Variants in LLGL2 observed in about 807,000 individuals in gnomAD.
The protein encoded by LLGL2 is LLGL scribble cell polarity complex component 2.
In LLGL2, 81 loss-of-function variants were observed where a neutral mutation model predicts 123.2. That is an observed-to-expected ratio of 0.66 (90% CI 0.55 to 0.79). LLGL2 has a LOEUF of 0.79. Among genes scored for constraint, LLGL2 ranks in the 30% least tolerant of loss-of-function variants. LLGL2 has a pLI of 0.00. For missense variants in LLGL2, 1,273 were observed against 1,414.6 expected (o/e 0.90, Z 1.61); for synonymous variants, 577 against 594.1 (o/e 0.97, Z 0.42).
Position 75,572,203 on chromosome 17 carries a change from G to A in LLGL2, c.2460+139G>A. On this transcript the variant is annotated intron_variant, in intron 19 of 25. Transcript: ENST00000392550. ...GGGGCTGCAGAAGTACAGGAAATAAGTGAGGGGGGAGTCTCGTGTGAGGAC... is the reference window on the plus strand; with the variant it reads ...GGGGCTGCAGAAGTACAGGAAATAAATGAGGGGGGAGTCTCGTGTGAGGAC... The A allele has an allele frequency of 5.8e-6, 5 of 867,126 alleles. No individual in the cohort carries two copies. The South Asian group carries it at 8.1e-5, about 14-fold the overall frequency. 53.7% of individuals were successfully genotyped at this position (867,126 alleles called of 1,614,324 possible).
intron 21 of LLGL2, 98 bp downstream of exon 21, chr17:75,573,729 C>A: frequency 7.4e-7 from 1 of 1,347,282 alleles, no homozygotes; most frequent in South Asian, 1.3e-5. Context: ...GGAGGCACCT[C>A]CCCACGAGCT....
At chr17:75,570,575 C>A in intron 16 of LLGL2, 77 bp downstream of exon 16, 1 of 1,482,656 alleles carries the variant, frequency 6.7e-7, no homozygotes, top group East Asian at 2.5e-5. Flanking sequence ...GGCCACACGG[C>A]CCCTGCTCCC....
At chr17:75,568,448 G>T in intron 10 of LLGL2, 28 bp from the exon 11 acceptor site, 1 of 1,603,154 alleles carries the variant, frequency 6.2e-7, no homozygotes, top group Non-Finnish European at 8.5e-7. Flanking sequence ...TCCTGGCCCC[G>T]GCCCCTGACC....
chr17:75,573,209 C>T lies in LLGL2; in HGVS notation c.2656C>T (p.Arg886Cys), dbSNP rs370466207. The T allele has an allele frequency of 2.0e-5, 32 of 1,612,488 alleles. No homozygotes were observed. The East Asian group carries it at 3.6e-4, about 18-fold the overall frequency. The change falls in exon 20 of 26, where the codon CGC (arginine) becomes TGC (cysteine). Residue 886 changes from arginine to cysteine, a missense_variant. Arg to Cys is a radical substitution (Grantham distance 180). Transcript: ENST00000392550. ...VSLPLLKPQV[R>C]YSCIRREDVS... is the part of the protein sequence containing the mutation. ...GCTGCCCCTGCTCAAGCCCCAGGTG[C>T]GCTACAGCTGCATCCGCCGGGAGGA...
intron 1 of LLGL2, among the ~76,000 whole-genome samples, chr17:75,537,803 G>T (rs564741180): frequency 4.5e-4 from 67 of 150,546 alleles, no homozygotes; most frequent in African/African-American, 1.4e-3. Context: ...CTTTTTGGAA[G>T]GTGACCTTTT....
chr17:75,570,640 C>T, intron 16 of LLGL2, 142 bp downstream of exon 16: 1 of 1,020,724 alleles, frequency 9.8e-7, no homozygotes, highest in East Asian at 2.6e-5. Context: ...TGTGTGACCT[C>T]AGACAGGTCA....
Position 75,573,516 on chromosome 17 carries a change from T to A in LLGL2, c.2761T>A (p.Phe921Ile). 1 of 1,612,668 alleles carries A rather than the reference T, an allele frequency of 6.2e-7. No individual in the cohort carries two copies. Among genetic ancestry groups the A allele is most frequent in the East Asian group, 2.2e-5 (1 of 44,860 alleles). The change falls in exon 21 of 26, where the codon TTC becomes ATC. Residue 921 changes from phenylalanine (F) to isoleucine (I), a missense_variant. Physicochemically the swap from Phe to Ile is conservative, Grantham distance 21. Coordinates refer to ENST00000392550, the MANE Select transcript of LLGL2 (RefSeq NM_001031803.2). ...YLISPSEFERFSLSTKWLVEP... is the reference protein window; with the variant it reads ...YLISPSEFERISLSTKWLVEP... ...GATCTCACCCTCGGAGTTTGAGCGC[T>A]TCTCTCTCTCCACCAAGTGGCTGGT...
rs200432063 is a variant in LLGL2 at position 75,570,166 on chromosome 17, C to A, written c.1785C>A (p.Ala595=). ...CQPPAVVTSL[A]LHSEWRLVAF... ...CCCCGGCTGTGGTCACCTCCTTGGC[C>A]CTGCACTCTGAGTGGCGGCTCGTGG... Residue 595 remains alanine (A), a synonymous_variant, in exon 15 of 26, where the codon GCC becomes GCA. Coordinates refer to ENST00000392550, the MANE Select transcript of LLGL2 (RefSeq NM_001031803.2). 10 of 1,595,162 alleles carry A rather than the reference C, an allele frequency of 6.3e-6. No individual in the cohort carries two copies. Among genetic ancestry groups the A allele is most frequent in the Non-Finnish European group, 8.5e-6 (10 of 1,171,796 alleles).
In LLGL2 at chr17:75,564,218, C is replaced by A; in HGVS notation, c.882-135C>A. The stretch of plus-strand genomic sequence containing the variant: ...ACCTCCAAGTCCTCCTGGGCTGTAG[C>A]AGTTGGAAGGAGATGGGGTCCAGTC... On this transcript the variant is annotated intron_variant, in intron 9 of 25. Transcript: ENST00000392550. The surrounding 1 kb of genome is among the most constrained non-coding windows in gnomAD (Gnocchi z 4.9). 6.8e-7 allele frequency: 1 copy of A among 1,459,862 alleles called. No individual in the cohort carries two copies. The highest frequency in any genetic ancestry group is 9.0e-7 in the Non-Finnish European group (1 of 1,105,988). The allele number at this position is 1,459,862 out of a possible 1,614,324, so 90.4% of individuals were successfully genotyped here.
At chr17:75,552,391 A>C (rs191421736) in intron 2 of LLGL2, among the ~76,000 whole-genome samples, 1 of 152,336 alleles carries the variant, frequency 6.6e-6, no homozygotes, top group Admixed American at 6.5e-5. Flanking sequence ...CAGGAGGCTG[A>C]GGCGGGAGGA....
intron 1 of LLGL2, among the ~76,000 whole-genome samples, chr17:75,532,079 T>TACACACACAC (rs1555648021): frequency 1.8e-4 from 5 of 27,550 alleles, no homozygotes; most frequent in Non-Finnish European, 4.1e-4. Context: ...CACACACACT[T>TACACACACAC]TTTTTTTTTT....
At chr17:75,541,715 CTTTTTTTT>C (rs56656168) in intron 1 of LLGL2, among the ~76,000 whole-genome samples, 9 of 31,506 alleles carry the variant, frequency 2.9e-4, no homozygotes, top group African/African-American at 9.7e-4. Flanking sequence ...TGTGGCTCTG[CTTTTTTTT>C]TTTTTTTTTT....
chr17:75,573,681 C>A, intron 21 of LLGL2, 50 bp downstream of exon 21: 1 of 1,491,658 alleles, frequency 6.7e-7, no homozygotes, highest in Non-Finnish European at 8.9e-7. Context: ...CCCTCCCTGC[C>A]CTCTCTGAGA....
Position 75,570,382 on chromosome 17 carries a change from G to T in LLGL2, c.1909G>T (p.Glu637Ter). ...GCACCCCAGTGACCAGCTGGCCTTG[G>T]AGGGCCCACTCTCCCGCGTCAAGTC... is the stretch of plus-strand genomic sequence containing the variant. ...TLHPSDQLAL[E>*]GPLSRVKSLK... The change falls in exon 16 of 26, where the codon GAG becomes TAG. Residue 637 changes from glutamate (E) to a stop codon, truncating the protein, a stop_gained. Coordinates refer to ENST00000392550, the MANE Select transcript of LLGL2 (RefSeq NM_001031803.2). LOFTEE classifies it high-confidence loss of function. The T allele has an allele frequency of 6.2e-7, 1 of 1,611,774 alleles. No homozygotes were observed.
chr17:75,552,843 A>G (rs1326119681), intron 2 of LLGL2, among the ~76,000 whole-genome samples: 1 of 152,230 alleles, frequency 6.6e-6, no homozygotes, highest in Non-Finnish European at 1.5e-5. Flanking sequence ...TGGTGGCCCC[A>G]TGGGGCTCAT....
At chr17:75,548,434 C>T (rs746451996) in intron 2 of LLGL2, among the ~76,000 whole-genome samples, 2 of 151,876 alleles carry the variant, frequency 1.3e-5, no homozygotes, top group African/African-American at 4.8e-5. Context: ...TGTGCCACCA[C>T]GCCCGGCTAA....
rs1488214165 is a variant in LLGL2 at position 75,559,938 on chromosome 17, C to T, written c.530+528C>T. Among the ~76,000 whole-genome samples, 5 of 152,198 alleles carry T rather than the reference C, an allele frequency of 3.3e-5. No homozygotes were observed. The highest frequency in any genetic ancestry group is 2.1e-4 in the South Asian group (1 of 4,814). ...ATTAGAGAGGGAGTTGGATCAGGTC[C>T]GGGTGGGAGAAGGGGACGGGGCCCA... is the stretch of plus-strand genomic sequence containing the variant. On this transcript the variant is annotated intron_variant, in intron 6 of 25. Coordinates refer to ENST00000392550, the MANE Select transcript of LLGL2 (RefSeq NM_001031803.2). This position sits in a 1 kb window ranked among gnomAD's most constrained non-coding sequence, Gnocchi z 4.6.
Position 75,543,517 on chromosome 17 carries a change from C to T in LLGL2, c.75+16C>T, listed in dbSNP as rs1347344837. The T allele has an allele frequency of 6.2e-6, 10 of 1,602,586 alleles. No individual in the cohort carries two copies. The South Asian group carries it at 1.0e-4, about 16-fold the overall frequency. ...GTTTAACAAGGTAAGTTAGGGAGAG[C>T]AGGGAAGATGACCCCCAGGTTTTCG... On this transcript the variant is annotated intron_variant, in intron 2 of 25. Transcript: ENST00000392550.
In LLGL2 at chr17:75,563,336, G is replaced by A; in HGVS notation, c.699G>A (p.Leu233=). 1 of 1,612,666 alleles carries A rather than the reference G, an allele frequency of 6.2e-7. No individual in the cohort carries two copies. The highest frequency in any genetic ancestry group is 1.1e-5 in the South Asian group (1 of 91,042). The change falls in exon 8 of 26, where the codon CTG becomes CTA. Residue 233 remains leucine (L), a synonymous_variant. Coordinates refer to ENST00000392550, the MANE Select transcript of LLGL2 (RefSeq NM_001031803.2). ...VLYHFLSSQQ[L]ENIWWQRDGR... ...CCTCTCCTCTTCCTCCATAGCAACT[G>A]GAGAACATCTGGTGGCAGCGGGACG...
Sources: gnomAD v4.1 joint callset for allele counts (sites outside exome capture counted in the v4.1 genomes callset) on GRCh38, gnomAD v4.1.1 for gene constraint, Gnocchi (gnomAD v3.1) non-coding constraint, MANE v1.5 for transcripts, NCBI Gene and HGNC (gene_info 2026-07-23, HGNC 2026-07-21) for gene names.